Variants in CCNI2 observed in about 807,000 individuals in gnomAD.
CCNI2 encodes the protein cyclin-I2.
A neutral mutation model predicts 33.2 loss-of-function variants in CCNI2; 32 were observed. The observed-to-expected ratio is 0.96, with a 90% CI of 0.73 to 1.30. CCNI2 has a LOEUF of 1.30. Ranked by LOEUF, CCNI2 falls within the 50% of genes most tolerant of loss-of-function variation. The pLI, the probability that CCNI2 is intolerant of heterozygous loss-of-function variation, is 0.00. For synonymous variants in CCNI2, 231 were observed against 219.9 expected (o/e 1.05, Z -0.45); for missense variants, 452 against 486.2 (o/e 0.93, Z 0.66).
At chr5:132,748,321 G>A in intron 1 of CCNI2, 26 bp from the exon 2 acceptor site, 1 of 1,612,902 alleles carries the variant, frequency 6.2e-7, no homozygotes, top group East Asian at 2.2e-5. Flanking sequence ...GACCTTCCTC[G>A]CCCCACCTGC....
intron 1 of CCNI2, 89 bp from the exon 2 acceptor site, chr5:132,748,258 C>A (rs1443660324): frequency 6.5e-7 from 1 of 1,542,420 alleles, no homozygotes; most frequent in East Asian, 2.3e-5. Flanking sequence ...CCCCACCCCC[C>A]GCACCTTAAG....
chr5:132,750,500 G>A (rs1278124289), intron 3 of CCNI2, among the ~76,000 whole-genome samples: 1 of 152,198 alleles, frequency 6.6e-6, no homozygotes, highest in East Asian at 1.9e-4. Flanking sequence ...GTAGGGATCA[G>A]GAATAGGGAG....
intron 4 of CCNI2, 147 bp downstream of exon 4, chr5:132,751,144 C>G: frequency 1.3e-6 from 1 of 783,232 alleles, no homozygotes; most frequent in Non-Finnish European, 2.0e-6. Flanking sequence ...TCATGACATA[C>G]GGAAGAGTGA....
downstream of CCNI2, chr5:132,754,535 A>AG: frequency 1.4e-6 from 1 of 717,502 alleles, no homozygotes; most frequent in East Asian, 2.7e-5. Flanking sequence ...GAGAAAGCAG[A>AG]GGGTAGACAT....
At chr5:132,748,689 G>T (rs1352385801) in intron 2 of CCNI2, among the ~76,000 whole-genome samples, 1 of 152,156 alleles carries the variant, frequency 6.6e-6, no homozygotes, top group Non-Finnish European at 1.5e-5. Context: ...CTTGGGGAGC[G>T]TGAGAGGACC....
intron 3 of CCNI2, 122 bp from the exon 4 acceptor site, chr5:132,750,735 C>G: frequency 1.0e-6 from 1 of 985,108 alleles, no homozygotes; most frequent in East Asian, 2.5e-5. Flanking sequence ...GAAGCATTTT[C>G]TGTGGCAGGC....
At chr5:132,749,311 T>A (rs377179096) in intron 2 of CCNI2, 37 bp from the exon 3 acceptor site, 166 of 1,512,460 alleles carry the variant, frequency 1.1e-4, no homozygotes, top group Non-Finnish European at 1.4e-4. Context: ...TTTCTGGCAT[T>A]CATATTCTGC....
At chr5:132,748,544 C>A in intron 2 of CCNI2, 69 bp downstream of exon 2, 1 of 1,580,592 alleles carries the variant, frequency 6.3e-7, no homozygotes, top group Non-Finnish European at 8.6e-7. Flanking sequence ...CCCATTCCTG[C>A]TTGAGAGGTG....
intron 2 of CCNI2, 81 bp from the exon 3 acceptor site, chr5:132,749,267 T>G (rs1377839692): frequency 6.6e-6 from 8 of 1,206,966 alleles, no homozygotes; most frequent in South Asian, 3.7e-5. Context: ...AAAAAGTGTA[T>G]AAAAGAAAAC....
intron 4 of CCNI2, 139 bp from the exon 5 acceptor site, chr5:132,751,827 G>A (rs908430097): frequency 1.3e-5 from 14 of 1,045,508 alleles, no homozygotes; most frequent in East Asian, 1.0e-4. Flanking sequence ...AGCCCCTTAC[G>A]GAGCCATGGA....
chr5:132,748,571 C>T (rs1366337972), intron 2 of CCNI2, 96 bp downstream of exon 2: 2 of 1,488,600 alleles, frequency 1.3e-6, no homozygotes, highest in Non-Finnish European at 1.8e-6. Flanking sequence ...TCCAGATGCT[C>T]AAAACCAAGG....
At chr5:132,750,821 A>G in intron 3 of CCNI2, 36 bp from the exon 4 acceptor site, 1 of 1,607,598 alleles carries the variant, frequency 6.2e-7, no homozygotes, top group Non-Finnish European at 8.5e-7. Flanking sequence ...CTATGACATG[A>G]TGTAGGGCTT....
At position 132,750,949 on chromosome 5, in the gene CCNI2, A is replaced by G. The variant is rs927916368; in HGVS notation, c.726A>G (p.Arg242=). The G allele has an allele frequency of 2.5e-6, 4 of 1,614,278 alleles. No homozygotes were observed. The highest frequency in any genetic ancestry group is 1.1e-5 in the South Asian group (1 of 91,086). The change falls in exon 4 of 6, where the codon AGA becomes AGG. Residue 242 remains arginine, a synonymous_variant. Transcript: ENST00000378731. Reference sequence around the variant, plus strand: ...GGATGGAGCTGGCTATTCTGGACAGACTGCACTGGGACCTCTATATTGGGA... The same window carrying G: ...GGATGGAGCTGGCTATTCTGGACAGGCTGCACTGGGACCTCTATATTGGGA... ...LLRMELAILD[R]LHWDLYIGTP... is the part of the protein sequence containing the mutation.
intron 1 of CCNI2, 112 bp downstream of exon 1, chr5:132,748,036 G>A (rs112581930): frequency 8.5e-7 from 1 of 1,177,278 alleles, no homozygotes; most frequent in Non-Finnish European, 1.1e-6. Context: ...CCTTCCCCAG[G>A]TGTGGCCCCT....
chr5:132,752,804 T>C (rs1361849825), intron 5 of CCNI2, 62 bp from the exon 6 acceptor site: 1 of 1,456,538 alleles, frequency 6.9e-7, no homozygotes, highest in African/African-American at 1.4e-5. Flanking sequence ...TGGCACTCAA[T>C]TGCCAATTTC....
intron 3 of CCNI2, among the ~76,000 whole-genome samples, chr5:132,750,417 G>C (rs965591173): frequency 1.6e-4 from 25 of 152,322 alleles, no homozygotes; most frequent in African/African-American, 5.1e-4. Flanking sequence ...CCCATAGGAG[G>C]TTTTATCAAT....
At chr5:132,755,851 G>T, downstream of CCNI2, 1 of 565,610 alleles carries the variant, frequency 1.8e-6, no homozygotes, top group Non-Finnish European at 2.2e-6. Flanking sequence ...CTGTAGCAGG[G>T]TTTCCTATTA....
At position 132,754,015 on chromosome 5, in the gene CCNI2, G is replaced by C. The variant is rs1018817886; in HGVS notation, c.*1045G>C. The stretch of plus-strand genomic sequence containing the variant: ...GTGTAAATGTGCTAAGCCATGGGGT[G>C]GGAGGGGAAAGATTTACTAGGTGCA... On this transcript the variant is annotated 3_prime_UTR_variant, in exon 6 of 6. Coordinates refer to ENST00000378731, the MANE Select transcript of CCNI2 (RefSeq NM_001039780.4). 1 of 152,072 alleles carries C rather than the reference G, an allele frequency of 6.6e-6. No homozygotes were observed. The highest frequency in any genetic ancestry group is 1.4e-5 in the Non-Finnish European group (1 of 69,568). 9.4% of individuals were successfully genotyped at this position (152,072 alleles called of 1,614,324 possible). A position where few individuals can be genotyped will look rare whatever the true frequency, so the allele number is the denominator to read the frequency against.
Position 132,747,630 on chromosome 5 carries a change from G to A in CCNI2, c.135G>A (p.Glu45=). The A allele has an allele frequency of 6.7e-7, 1 of 1,501,888 alleles. No homozygotes were observed. The highest frequency in any genetic ancestry group is 8.8e-7 in the Non-Finnish European group (1 of 1,132,052). The allele number at this position is 1,501,888 out of a possible 1,614,324, so 93.0% of individuals were successfully genotyped here. The stretch of plus-strand genomic sequence containing the variant: ...TTCCTCTCCCGCCGTCTCCGGGGGA[G>A]GCCCCTCTGCCCCGAAGCAACCGGA... ...LGVPLPPSPG[E]APLPRSNRSR... Residue 45 remains glutamate (E), a synonymous_variant, in exon 1 of 6, where the codon GAG becomes GAA. Transcript: ENST00000378731. The surrounding 1 kb of genome is among the most constrained non-coding windows in gnomAD (Gnocchi z 4.1).
Sources: allele counts gnomAD v4.1 joint callset (sites outside exome capture counted in the v4.1 genomes callset), GRCh38; gene constraint gnomAD v4.1.1; non-coding constraint Gnocchi (gnomAD v3.1); transcripts MANE v1.5; gene names NCBI Gene and HGNC (gene_info 2026-07-23, HGNC 2026-07-21).